Variants in CDH11 observed in about 807,000 individuals in gnomAD.
CDH11 encodes cadherin 11.
CDH11 carries 11 observed loss-of-function variants against 67.8 expected under a neutral mutation model. The observed-to-expected ratio is 0.16, with a 90% CI of 0.10 to 0.27. The LOEUF is 0.27. Among genes scored for constraint, CDH11 ranks in the 10% least tolerant of loss-of-function variants. CDH11 has a pLI of 1.00. For synonymous variants in CDH11, 419 were observed against 400.0 expected (o/e 1.05, Z -0.57); for missense variants, 847 against 1,031.2 (o/e 0.82, Z 2.45).
rs756436271 is a variant in CDH11 at position 64,972,967 on chromosome 16, T to C, written c.1327A>G (p.Thr443Ala). The change falls in exon 9 of 13, where the codon ACA becomes GCA. Residue 443 changes from threonine (T) to alanine (A), a missense_variant. Physicochemically the swap from Thr to Ala is moderately conservative, Grantham distance 58. Around this residue, in one of 2 missense-constraint regions of CDH11, gnomAD observed 612 missense variants for 678.7 expected, o/e 0.90. Coordinates refer to ENST00000268603, the MANE Select transcript of CDH11 (RefSeq NM_001797.4). ...GTTTCCTCTCTATCCAGAGGTTTTG[T>C]AGTTTTAATAAAACCATCCTCTGGA... Reference protein sequence around the residue: ...INPEDGFIKTTKPLDREETAW... With the variant: ...INPEDGFIKTAKPLDREETAW... 12 of 1,613,860 alleles carry C rather than the reference T, an allele frequency of 7.4e-6. No individual in the cohort carries two copies. Among genetic ancestry groups the C allele is most frequent in the Non-Finnish European group, 1.0e-5 (12 of 1,179,824 alleles).
Position 65,004,690 on chromosome 16 carries a change from G to T in CDH11, c.180C>A (p.Phe60Leu). 2 of 1,613,848 alleles carry T rather than the reference G, an allele frequency of 1.2e-6. No homozygotes were observed. The highest frequency in any genetic ancestry group is 8.5e-7 in the Non-Finnish European group (1 of 1,179,992). ...RSKRGWVWNQ[F>L]FVIEEYTGPD... is the part of the protein sequence containing the mutation. ...GCCCGGTGTACTCCTCTATCACGAAGAACTGGTTCCAGACCCAGCCACGCT... is the reference window on the plus strand; with the variant it reads ...GCCCGGTGTACTCCTCTATCACGAATAACTGGTTCCAGACCCAGCCACGCT... Residue 60 changes from phenylalanine (F) to leucine (L), a missense_variant, in exon 3 of 13, where the codon TTC (phenylalanine) becomes TTA (leucine). Phe to Leu is a conservative substitution (Grantham distance 22). Around this residue, in one of 2 missense-constraint regions of CDH11, gnomAD observed 235 missense variants for 352.5 expected, o/e 0.67. Transcript: ENST00000268603.
intron 2 of CDH11, among the ~76,000 whole-genome samples, chr16:65,051,955 G>C (rs569060055): frequency 1.3e-5 from 2 of 152,218 alleles, no homozygotes; most frequent in South Asian, 4.2e-4. Flanking sequence ...CTCCAAGATT[G>C]AGTTTTCTCA....
chr16:65,045,057 A>G (rs2073931210), intron 2 of CDH11, among the ~76,000 whole-genome samples: 2 of 151,728 alleles, frequency 1.3e-5, no homozygotes, highest in African/African-American at 4.8e-5. Context: ...GGCTGAAACC[A>G]CTAGCAAGAT....
chr16:64,949,181 T>C (rs2071282009), intron 12 of CDH11, among the ~76,000 whole-genome samples: 1 of 152,186 alleles, frequency 6.6e-6, no homozygotes, highest in Admixed American at 6.5e-5. Flanking sequence ...TACTGGCACC[T>C]TTTTCATGCA....
chr16:65,076,050 G>C (rs2074503501), intron 1 of CDH11, among the ~76,000 whole-genome samples: 1 of 152,148 alleles, frequency 6.6e-6, no homozygotes, highest in Admixed American at 6.5e-5. Context: ...TGTGGGAGGG[G>C]CTGTGAGCTG....
chr16:64,971,595 T>A lies in CDH11; in HGVS notation c.1626A>T (p.Thr542=). 6.2e-7 allele frequency: 1 copy of A among 1,610,550 alleles called. No individual in the cohort carries two copies. Among genetic ancestry groups the A allele is most frequent in the South Asian group, 1.1e-5 (1 of 90,480 alleles). ...PPEIIHNPNF[T]VRDNRDNTAG... The stretch of plus-strand genomic sequence containing the variant: ...AGTACAAACCTCGGTTGTCTCTGAC[T>A]GTGAAATTTGGATTGTGAATGATTT... The change falls in exon 11 of 13, where the codon ACA becomes ACT. Residue 542 remains threonine (T), a synonymous_variant. Transcript: ENST00000268603.
chr16:64,946,886 T>C lies in CDH11; in HGVS notation c.*717A>G. 1.2e-6 allele frequency: 1 copy of C among 823,718 alleles called. No individual in the cohort carries two copies. The highest frequency in any genetic ancestry group is 1.5e-6 in the Non-Finnish European group (1 of 671,348). The allele number at this position is 823,718 out of a possible 1,614,324, so 51.0% of individuals were successfully genotyped here. A position where few individuals can be genotyped will look rare whatever the true frequency, so the allele number is the denominator to read the frequency against. ...ATATAAGTGTGATGCCGTAACATTT[T>C]CTTACATGTCAGAATACTGATATTT... On this transcript the variant is annotated 3_prime_UTR_variant, in exon 13 of 13. Transcript: ENST00000268603.
chr16:65,017,685 AG>A (rs1027568297), intron 2 of CDH11, among the ~76,000 whole-genome samples: 6 of 152,180 alleles, frequency 3.9e-5, no homozygotes, highest in Non-Finnish European at 5.9e-5. Context: ...AATATGGAGT[AG>A]TCAGTTGATT....
chr16:65,008,188 C>CT (rs1484288721), intron 2 of CDH11, among the ~76,000 whole-genome samples: 6 of 152,306 alleles, frequency 3.9e-5, no homozygotes, highest in Admixed American at 2.6e-4. Flanking sequence ...AAGATGACAA[C>CT]TTTTTTCTTT....
chr16:65,096,497 A>T (rs997491084), intron 1 of CDH11, among the ~76,000 whole-genome samples: 2 of 149,752 alleles, frequency 1.3e-5, no homozygotes, highest in Non-Finnish European at 3.0e-5. Context: ...ATATATGTTT[A>T]TATATGTGTA....
intron 8 of CDH11, among the ~76,000 whole-genome samples, chr16:64,977,491 G>A (rs1019867052): frequency 5.3e-5 from 8 of 152,176 alleles, no homozygotes; most frequent in South Asian, 2.1e-4. Context: ...AATGCACCTC[G>A]ATATTCTAGG....
chr16:65,120,595 C>G (rs1451732766), intron 1 of CDH11, among the ~76,000 whole-genome samples: 1 of 152,168 alleles, frequency 6.6e-6, no homozygotes, highest in East Asian at 1.9e-4. Flanking sequence ...AACAACCCCC[C>G]ACTCCCATCC....
At chr16:65,112,525 T>C (rs780127885) in intron 1 of CDH11, among the ~76,000 whole-genome samples, 30 of 152,224 alleles carry the variant, frequency 2.0e-4, no homozygotes, top group Non-Finnish European at 4.1e-4. Flanking sequence ...GTGCTGTTAA[T>C]ATTGTCAGCT....
In CDH11 at chr16:64,945,503, CT is replaced by C; in HGVS notation, c.*2099del. On this transcript the variant is annotated 3_prime_UTR_variant, in exon 13 of 13. Coordinates refer to ENST00000268603, the MANE Select transcript of CDH11 (RefSeq NM_001797.4). ...ACTTATTTAAATGCTATTCATATTC[CT>C]TTTGAGTTATTTCTTCATTGCAAAT... The C allele has an allele frequency of 9.7e-7, 1 of 1,033,294 alleles. No individual in the cohort carries two copies. The highest frequency in any genetic ancestry group is 1.2e-6 in the Non-Finnish European group (1 of 858,682). The allele number at this position is 1,033,294 out of a possible 1,614,324, so 64.0% of individuals were successfully genotyped here.
chr16:65,076,121 C>CCCTTGAG (rs2074505242), intron 1 of CDH11, among the ~76,000 whole-genome samples: 1 of 152,134 alleles, frequency 6.6e-6, no homozygotes, highest in South Asian at 2.1e-4. Flanking sequence ...CAAGCCAGCT[C>CCCTTGAG]CCTTGAGGTG....
At chr16:65,067,538 TTTA>T (rs543906415) in intron 1 of CDH11, among the ~76,000 whole-genome samples, 1 of 152,226 alleles carries the variant, frequency 6.6e-6, no homozygotes, top group Non-Finnish European at 1.5e-5. Flanking sequence ...TGCTCATTGA[TTTA>T]TTGTTTTGTC....
In CDH11 at chr16:64,998,772, C is replaced by T. The variant is rs766080359; in HGVS notation, c.313G>A (p.Asp105Asn). The change falls in exon 4 of 13, where the codon GAC (aspartate) becomes AAC (asparagine). Residue 105 changes from aspartate to asparagine, a missense_variant. Physicochemically the swap from Asp to Asn is conservative, Grantham distance 23. Transcript: ENST00000268603. ...EGAGTIFVID[D>N]KSGNIHATKT... ...GTGGCATGAATGTTCCCTGATTTGT[C>T]ATCAATCACAAAAATGGTTCCAGCT... 6.2e-7 allele frequency: 1 copy of T among 1,614,110 alleles called. No individual in the cohort carries two copies. The highest frequency in any genetic ancestry group is 8.5e-7 in the Non-Finnish European group (1 of 1,179,988).
At position 64,943,777 on chromosome 16, in the gene CDH11, A is replaced by T. The variant is rs1440947459; in HGVS notation, c.*3826T>A. The T allele has an allele frequency of 4.9e-6, 1 of 204,670 alleles. No homozygotes were observed. 12.7% of individuals were successfully genotyped at this position (204,670 alleles called of 1,614,324 possible). On this transcript the variant is annotated 3_prime_UTR_variant, in exon 13 of 13. Coordinates refer to ENST00000268603, the MANE Select transcript of CDH11 (RefSeq NM_001797.4). ...ATTTGCTTTCATTCAATAGATATTT[A>T]TTGTGTACCTGTTATGTTTCAGGCA...
intron 1 of CDH11, among the ~76,000 whole-genome samples, chr16:65,120,804 A>G (rs1198381635): frequency 1.3e-5 from 2 of 152,076 alleles, no homozygotes; most frequent in African/African-American, 4.8e-5. Context: ...CCTCGGCAAA[A>G]AAACGGACAA....
Sources: allele counts gnomAD v4.1 joint callset (sites outside exome capture counted in the v4.1 genomes callset), GRCh38; gene constraint gnomAD v4.1.1; regional missense constraint gnomAD v4.1.1; transcripts MANE v1.5; gene names NCBI Gene and HGNC (gene_info 2026-07-23, HGNC 2026-07-21).